Variants in REEP1 observed in about 807,000 individuals in gnomAD.
REEP1 encodes the protein receptor accessory protein 1, also known as receptor expression-enhancing protein 1.
In REEP1, 22 loss-of-function variants were observed where a neutral mutation model predicts 40.3. The observed-to-expected ratio is 0.55, with a 90% confidence interval of 0.39 to 0.78. REEP1 has a LOEUF of 0.78. REEP1 is among the 30% of genes least tolerant of loss of function. REEP1 has a pLI of 0.00. For synonymous variants in REEP1, 116 were observed against 139.2 expected (o/e 0.83, Z 1.17); for missense variants, 280 against 361.1 (o/e 0.78, Z 1.82).
intron 2 of REEP1, among the ~76,000 whole-genome samples, chr2:86,266,386 G>C (rs571832918): frequency 3.3e-5 from 5 of 151,836 alleles, no homozygotes; most frequent in East Asian, 3.9e-4. Flanking sequence ...TTGGGAGGCC[G>C]AGGCGGGTGG....
intron 5 of REEP1, among the ~76,000 whole-genome samples, chr2:86,245,710 C>G (rs57978399): frequency 6.6e-6 from 1 of 151,972 alleles, no homozygotes; most frequent in Non-Finnish European, 1.5e-5. Context: ...TTGTCGCCAC[C>G]GGACTTCAGC....
chr2:86,314,359 C>T (rs939448291), intron 1 of REEP1, among the ~76,000 whole-genome samples: 1 of 152,164 alleles, frequency 6.6e-6, no homozygotes, highest in African/African-American at 2.4e-5. Context: ...CAGGAACATG[C>T]TGAGCCTCAG....
chr2:86,230,480 C>T (rs1225377398), intron 6 of REEP1, among the ~76,000 whole-genome samples: 1 of 152,246 alleles, frequency 6.6e-6, no homozygotes, highest in African/African-American at 2.4e-5. Context: ...CCACCTAAGC[C>T]CGCTTCCTAG....
At chr2:86,255,358 T>C (rs1676499249) in intron 3 of REEP1, among the ~76,000 whole-genome samples, 1 of 152,202 alleles carries the variant, frequency 6.6e-6, no homozygotes, top group African/African-American at 2.4e-5. Flanking sequence ...GCCCAGCTCT[T>C]GGCAGGAAGG....
chr2:86,235,540 C>A (rs1349189261), intron 5 of REEP1, among the ~76,000 whole-genome samples: 1 of 152,208 alleles, frequency 6.6e-6, no homozygotes, highest in Non-Finnish European at 1.5e-5. Flanking sequence ...CTGCCTAAGA[C>A]ACAAAGGTTG....
At chr2:86,261,266 C>G (rs1353143395) in intron 3 of REEP1, among the ~76,000 whole-genome samples, 1 of 152,162 alleles carries the variant, frequency 6.6e-6, no homozygotes, top group African/African-American at 2.4e-5. Flanking sequence ...CCGGCCTCTA[C>G]TCTCATCTTT....
chr2:86,224,958 A>G (rs1475095070), intron 7 of REEP1, among the ~76,000 whole-genome samples: 1 of 152,240 alleles, frequency 6.6e-6, no homozygotes, highest in Non-Finnish European at 1.5e-5. Context: ...ATCTCCCAGA[A>G]TTAGAGGCTT....
intron 1 of REEP1, among the ~76,000 whole-genome samples, chr2:86,332,325 G>C (rs903371207): frequency 2.6e-5 from 4 of 151,986 alleles, no homozygotes; most frequent in Non-Finnish European, 2.9e-5. Flanking sequence ...CTGGTAACCA[G>C]CTGGGCATGT....
intron 5 of REEP1, among the ~76,000 whole-genome samples, chr2:86,239,321 C>A (rs949376322): frequency 6.6e-6 from 1 of 151,622 alleles, no homozygotes; most frequent in Non-Finnish European, 1.5e-5. Context: ...GAGTGTTGAG[C>A]CCTTAATGAG....
intron 2 of REEP1, among the ~76,000 whole-genome samples, chr2:86,274,981 C>T (rs1459844900): frequency 6.6e-6 from 1 of 152,180 alleles, no homozygotes; most frequent in Non-Finnish European, 1.5e-5. Flanking sequence ...CCAAAGGCCT[C>T]CCTATGGGCT....
In REEP1 at chr2:86,216,963, T is replaced by G; in HGVS notation, c.*76A>C. 2.3e-6 allele frequency: 3 copies of G among 1,319,978 alleles called. No homozygotes were observed. Among genetic ancestry groups the G allele is most frequent in the Non-Finnish European group, 3.3e-6 (3 of 918,084 alleles). The allele number at this position is 1,319,978 out of a possible 1,614,324, so 81.8% of individuals were successfully genotyped here. On this transcript the variant is annotated 3_prime_UTR_variant, in exon 9 of 9. Transcript: ENST00000538924. ...TCAAAGCACACCCAGCTTGCGGATT[T>G]CTATGTTATTAGTGAATAGCTCTTT... is the stretch of plus-strand genomic sequence containing the variant.
intron 1 of REEP1, among the ~76,000 whole-genome samples, chr2:86,306,621 C>G (rs1030605561): frequency 6.6e-6 from 1 of 152,168 alleles, no homozygotes; most frequent in African/African-American, 2.4e-5. Flanking sequence ...AATGAAAGAA[C>G]AAAATGCATT....
At chr2:86,306,713 T>C (rs1035550849) in intron 1 of REEP1, among the ~76,000 whole-genome samples, 3 of 152,170 alleles carry the variant, frequency 2.0e-5, no homozygotes, top group Non-Finnish European at 4.4e-5. Flanking sequence ...AAGACCCTAA[T>C]AGAACACATG....
At chr2:86,267,243 G>C (rs1383936987) in intron 2 of REEP1, among the ~76,000 whole-genome samples, 1 of 152,096 alleles carries the variant, frequency 6.6e-6, no homozygotes, top group African/African-American at 2.4e-5. Flanking sequence ...GTTCATGGGG[G>C]CGGTTTCCCC....
intron 1 of REEP1, among the ~76,000 whole-genome samples, chr2:86,308,124 A>C (rs1679588947): frequency 6.6e-6 from 1 of 152,226 alleles, no homozygotes; most frequent in Admixed American, 6.5e-5. Context: ...AAGGAAGATA[A>C]ATGCAAAGAA....
Position 86,287,727 on chromosome 2 carries a change from C to T in REEP1, c.33-5485G>A, listed in dbSNP as rs115852396. On this transcript the variant is annotated intron_variant, in intron 1 of 8. Coordinates refer to ENST00000538924, the MANE Select transcript of REEP1 (RefSeq NM_001371279.1). ...TTAATCTGGAGAAAACTGTAACACA[C>T]AGCAGATATATTTGAAATCCCCTAT... is the stretch of plus-strand genomic sequence containing the variant. Among the ~76,000 whole-genome samples, 1,245 of 152,286 alleles carry T rather than the reference C, an allele frequency of 8.2e-3. 21 individuals are homozygous for T. Among genetic ancestry groups the T allele is most frequent in the African/African-American group, 0.029 (1,202 of 41,550 alleles).
chr2:86,243,023 G>A (rs898839089), intron 5 of REEP1, among the ~76,000 whole-genome samples: 3 of 152,146 alleles, frequency 2.0e-5, no homozygotes, highest in African/African-American at 7.2e-5. Context: ...AAAGTATGAA[G>A]GAAACAAGGG....
rs1674144230 is a variant in REEP1, at chr2:86,216,973, T to C, written c.*66A>G. On this transcript the variant is annotated 3_prime_UTR_variant, in exon 9 of 9. Coordinates refer to ENST00000538924, the MANE Select transcript of REEP1 (RefSeq NM_001371279.1). ...CCCAGCTTGCGGATTTCTATGTTATTAGTGAATAGCTCTTTAAGGCAGAGA... is the reference window on the plus strand; with the variant it reads ...CCCAGCTTGCGGATTTCTATGTTATCAGTGAATAGCTCTTTAAGGCAGAGA... 1 of 1,395,344 alleles carries C rather than the reference T, an allele frequency of 7.2e-7. No individual in the cohort carries two copies. The highest frequency in any genetic ancestry group is 1.4e-5 in the African/African-American group (1 of 70,314). 86.4% of individuals were successfully genotyped at this position (1,395,344 alleles called of 1,614,324 possible).
chr2:86,222,804 G>C (rs889307122), intron 7 of REEP1, among the ~76,000 whole-genome samples: 1 of 152,156 alleles, frequency 6.6e-6, no homozygotes, highest in Non-Finnish European at 1.5e-5. Context: ...AGTATAAATG[G>C]AGAAATGAAC....
Sources: gnomAD v4.1 joint callset for allele counts (sites outside exome capture counted in the v4.1 genomes callset) on GRCh38, gnomAD v4.1.1 for gene constraint, MANE v1.5 for transcripts, NCBI Gene and HGNC (gene_info 2026-07-23, HGNC 2026-07-21) for gene names.